FAT4: variants seen among roughly 807,000 people sequenced by gnomAD.
FAT4 encodes the protein FAT atypical cadherin 4.
Under a neutral mutation model 303.9 loss-of-function variants are expected in FAT4, and 84 were observed. The ratio of observed to expected loss-of-function variants is 0.28; its 90% CI spans 0.23 to 0.33. FAT4 has a LOEUF of 0.33. Ranked by LOEUF, FAT4 falls within the 10% of genes least tolerant of loss-of-function variation. The pLI is 1.00. For synonymous variants in FAT4, 2,307 were observed against 2,298.8 expected (o/e 1.00, Z -0.10); for missense variants, 6,005 against 6,146.8 (o/e 0.98, Z 0.77).
intron 2 of FAT4, among the ~76,000 whole-genome samples, chr4:125,379,075 G>T (rs557433341): frequency 2.0e-5 from 3 of 152,078 alleles, no homozygotes; most frequent in Admixed American, 6.6e-5. Flanking sequence ...AATGGTTATT[G>T]GTCCATTCCA....
intron 2 of FAT4, among the ~76,000 whole-genome samples, chr4:125,392,109 T>G (rs1198478830): frequency 1.3e-5 from 2 of 152,184 alleles, no homozygotes; most frequent in Admixed American, 6.5e-5. Context: ...TATATAAACT[T>G]AAATCAGAGC....
chr4:125,410,372 A>T (rs1035375466), intron 5 of FAT4, among the ~76,000 whole-genome samples: 3 of 152,014 alleles, frequency 2.0e-5, no homozygotes, highest in Admixed American at 6.6e-5. Flanking sequence ...AACATTGCAC[A>T]CTCTATTTCA....
intron 11 of FAT4, among the ~76,000 whole-genome samples, 152 bp downstream of exon 11, chr4:125,463,819 A>G (rs1726566218): frequency 6.6e-6 from 1 of 152,172 alleles, no homozygotes; most frequent in Non-Finnish European, 1.5e-5. Flanking sequence ...TAACATTTGT[A>G]AAAGTTATGG....
At position 125,449,884 on chromosome 4, in the gene FAT4, A is replaced by G; in HGVS notation, c.8874A>G (p.Ser2958=). ...INRHSFIVTS[S]DRGKPSLISE... ...GGCATAGTTTTATAGTGACATCTTC[A>G]GATCGAGGTAAACCTTCCTTAATTA... The change falls in exon 10 of 18, where the codon TCA becomes TCG. Residue 2958 remains serine, a synonymous_variant. Coordinates refer to ENST00000394329, the MANE Select transcript of FAT4 (RefSeq NM_001291303.3). 1 of 1,614,016 alleles carries G rather than the reference A, an allele frequency of 6.2e-7. No individual in the cohort carries two copies. Among genetic ancestry groups the G allele is most frequent in the South Asian group, 1.1e-5 (1 of 91,080 alleles).
chr4:125,459,513 T>C (rs1726410672), intron 10 of FAT4, among the ~76,000 whole-genome samples: 1 of 152,084 alleles, frequency 6.6e-6, no homozygotes, highest in African/African-American at 2.4e-5. Flanking sequence ...GCTAAGAATT[T>C]ACACTTCTTC....
chr4:125,357,399 A>G (rs1732475000), intron 2 of FAT4, among the ~76,000 whole-genome samples: 1 of 152,150 alleles, frequency 6.6e-6, no homozygotes, highest in African/African-American at 2.4e-5. Context: ...ACCTAAAGAT[A>G]AGATTTGGGA....
chr4:125,490,508 C>A lies in FAT4; in HGVS notation c.13692C>A (p.Ile4564=). ...ENVAFDDPDN[I]PPYGDDMTVR... Reference sequence around the variant, plus strand: ...TTGCTTTTGATGACCCTGACAATATCCCTCCCTATGGGGATGACATGACTG... The same window carrying A: ...TTGCTTTTGATGACCCTGACAATATACCTCCCTATGGGGATGACATGACTG... The change falls in exon 18 of 18, where the codon ATC becomes ATA. Residue 4564 remains isoleucine (I), a synonymous_variant. Transcript: ENST00000394329. The A allele has an allele frequency of 6.2e-7, 1 of 1,614,064 alleles. No homozygotes were observed. The highest frequency in any genetic ancestry group is 8.5e-7 in the Non-Finnish European group (1 of 1,180,004).
At position 125,468,351 on chromosome 4, in the gene FAT4, G is replaced by A. The variant is rs570227083; in HGVS notation, c.11906-161G>A. On this transcript the variant is annotated intron_variant, in intron 11 of 17. Coordinates refer to ENST00000394329, the MANE Select transcript of FAT4 (RefSeq NM_001291303.3). ...GTTTTAAAGATCATTCATTCATAAA[G>A]ATCATTAACTATTTTAATTTTAGTT... Among the ~76,000 whole-genome samples the A allele has an allele frequency of 4.7e-3, 716 of 152,012 alleles. 4 individuals are homozygous for A. The highest frequency in any genetic ancestry group is 8.2e-3 in the Non-Finnish European group (560 of 67,972).
chr4:125,320,241 C>T lies in FAT4; in HGVS notation c.3830C>T (p.Ala1277Val). ...CTAATTGGCAAATTAGACTATGAAG[C>T]AACACCTGCCTATTCCCTTGTAATT... ...VTLIGKLDYE[A>V]TPAYSLVIQA... Residue 1277 changes from alanine to valine, a missense_variant, in exon 2 of 18, where the codon GCA becomes GTA. Physicochemically the swap from Ala to Val is moderately conservative, Grantham distance 64. Transcript: ENST00000394329. 1 of 1,614,146 alleles carries T rather than the reference C, an allele frequency of 6.2e-7. No individual in the cohort carries two copies. Among genetic ancestry groups the T allele is most frequent in the South Asian group, 1.1e-5 (1 of 91,088 alleles).
At chr4:125,473,828 TTAA>T (rs1726941682) in intron 12 of FAT4, among the ~76,000 whole-genome samples, 1 of 152,078 alleles carries the variant, frequency 6.6e-6, no homozygotes, top group Admixed American at 6.6e-5. Flanking sequence ...TCATCAATTT[TTAA>T]TAATACCAAA....
intron 10 of FAT4, among the ~76,000 whole-genome samples, chr4:125,456,452 T>A (rs1449165004): frequency 1.3e-5 from 2 of 152,190 alleles, no homozygotes; most frequent in Admixed American, 1.3e-4. Context: ...ATGATTAAGA[T>A]GAATCTTACA....
At chr4:125,366,868 T>C (rs188305847) in intron 2 of FAT4, among the ~76,000 whole-genome samples, 242 of 152,228 alleles carry the variant, frequency 1.6e-3, no homozygotes, top group African/African-American at 5.4e-3. Flanking sequence ...GAGCTTTTTG[T>C]CATATGCTTG....
intron 2 of FAT4, among the ~76,000 whole-genome samples, chr4:125,372,431 A>T (rs533202436): frequency 6.6e-5 from 10 of 152,286 alleles, no homozygotes; most frequent in African/African-American, 2.4e-4. Flanking sequence ...AACAAAAAAA[A>T]TAGTGAAATC....
chr4:125,451,500 C>T lies in FAT4; in HGVS notation c.10490C>T (p.Ser3497Phe). The T allele has an allele frequency of 6.2e-7, 1 of 1,614,098 alleles. No individual in the cohort carries two copies. Among genetic ancestry groups the T allele is most frequent in the Non-Finnish European group, 8.5e-7 (1 of 1,180,008 alleles). The change falls in exon 10 of 18, where the codon TCT becomes TTT. Residue 3497 changes from serine (S) to phenylalanine (F), a missense_variant. Physicochemically the swap from Ser to Phe is radical, Grantham distance 155. Coordinates refer to ENST00000394329, the MANE Select transcript of FAT4 (RefSeq NM_001291303.3). ...ACCCCCTCAGCTACAGGTAGTGCCT[C>T]TTTATTAGTCACCCTGGAAGATATA... ...SGTPSATGSA[S>F]LLVTLEDIND...
In FAT4 at chr4:125,450,996, T is replaced by G; in HGVS notation, c.9986T>G (p.Leu3329Trp). The change falls in exon 10 of 18, where the codon TTG (leucine) becomes TGG (tryptophan). Residue 3329 changes from leucine to tryptophan, a missense_variant. Leu to Trp is a moderately conservative substitution (Grantham distance 61, BLOSUM62 -2). Transcript: ENST00000394329. ...GAAGTGTTTGCTAGCGACCGTGATT[T>G]GGGCACTGATGGGGAGGTACACTAT... ...VGEVFASDRD[L>W]GTDGEVHYLI... 1 of 1,614,164 alleles carries G rather than the reference T, an allele frequency of 6.2e-7. No homozygotes were observed. The highest frequency in any genetic ancestry group is 8.5e-7 in the Non-Finnish European group (1 of 1,180,036).
chr4:125,441,220 C>G (rs888888324), intron 8 of FAT4, among the ~76,000 whole-genome samples: 1 of 152,104 alleles, frequency 6.6e-6, no homozygotes, highest in Non-Finnish European at 1.5e-5. Context: ...TTTGTAATTT[C>G]TTAAGTGTAG....
rs749817883 is a variant in FAT4, at chr4:125,434,346, C to T, written c.7120C>T (p.Pro2374Ser). 6 of 1,613,876 alleles carry T rather than the reference C, an allele frequency of 3.7e-6. No homozygotes were observed. Among genetic ancestry groups the T allele is most frequent in the South Asian group, 1.1e-5 (1 of 91,080 alleles). Residue 2374 changes from proline to serine, a missense_variant, in exon 8 of 18, where the codon CCT (proline) becomes TCT (serine). Coordinates refer to ENST00000394329, the MANE Select transcript of FAT4 (RefSeq NM_001291303.3). ...CAGTAAAGCGTATTTCACAACAATT[C>T]CTGAGGATGCACCAACTGGAACAGA... is the stretch of plus-strand genomic sequence containing the variant. ...FASKAYFTTIPEDAPTGTDVL... is the reference protein window; with the variant it reads ...FASKAYFTTISEDAPTGTDVL...
Position 125,415,635 on chromosome 4 carries a change from C to T in FAT4, c.6672C>T (p.Thr2224=). ...AKPLDREKTP[T]YHLTVQATDR... The stretch of plus-strand genomic sequence containing the variant: ...CTTTGGATAGAGAAAAGACCCCTAC[C>T]TACCATTTAACTGTTCAGGCAACAG... The change falls in exon 6 of 18, where the codon ACC becomes ACT. Residue 2224 remains threonine, a synonymous_variant. Transcript: ENST00000394329. The T allele has an allele frequency of 6.2e-7, 1 of 1,614,058 alleles. No homozygotes were observed.
intron 7 of FAT4, among the ~76,000 whole-genome samples, chr4:125,422,935 T>C (rs1285532686): frequency 6.6e-6 from 1 of 152,130 alleles, no homozygotes; most frequent in Non-Finnish European, 1.5e-5. Flanking sequence ...GAGGAACTTC[T>C]TGGAAACTGG....
Sources: allele counts gnomAD v4.1 joint callset (sites outside exome capture counted in the v4.1 genomes callset), GRCh38; gene constraint gnomAD v4.1.1; transcripts MANE v1.5; gene names NCBI Gene and HGNC (gene_info 2026-07-23, HGNC 2026-07-21).